TRAM2: variants seen among roughly 807,000 people sequenced by gnomAD.
TRAM2 encodes translocating chain-associated membrane protein 2.
TRAM2 carries 12 observed loss-of-function variants against 51.0 expected under a neutral mutation model. The observed-to-expected ratio is 0.24, with a 90% CI of 0.15 to 0.38. TRAM2 has a LOEUF of 0.38. Ranked by LOEUF, TRAM2 falls within the 10% of genes least tolerant of loss-of-function variation. The pLI is 1.00. For synonymous variants in TRAM2, 175 were observed against 179.4 expected (o/e 0.98, Z 0.20); for missense variants, 361 against 462.0 (o/e 0.78, Z 2.00).
At chr6:52,567,828 T>A (rs1422708814) in intron 1 of TRAM2, among the ~76,000 whole-genome samples, 2 of 152,250 alleles carry the variant, frequency 1.3e-5, no homozygotes, top group Non-Finnish European at 2.9e-5. Flanking sequence ...TGTGCTAGAA[T>A]CTGGTTTCAA....
intron 2 of TRAM2, among the ~76,000 whole-genome samples, chr6:52,518,020 A>G (rs2114071660): frequency 6.6e-6 from 1 of 152,298 alleles, no homozygotes; most frequent in South Asian, 2.1e-4. Context: ...CACTGGGCTA[A>G]CTGTTGAAAC....
intron 1 of TRAM2, among the ~76,000 whole-genome samples, chr6:52,569,807 C>A (rs1767648750): frequency 6.6e-6 from 1 of 152,094 alleles, no homozygotes; most frequent in African/African-American, 2.4e-5. Context: ...CCAGAACAGG[C>A]ACTTAAGCAC....
chr6:52,508,139 G>T, intron 6 of TRAM2, 95 bp downstream of exon 6: 2 of 1,137,170 alleles, frequency 1.8e-6, no homozygotes, highest in Non-Finnish European at 2.6e-6. Context: ...AACACTCCAT[G>T]CTTCTGGAGA....
intron 2 of TRAM2, 75 bp downstream of exon 2, chr6:52,535,708 G>T: frequency 2.2e-6 from 3 of 1,377,084 alleles, no homozygotes; most frequent in Non-Finnish European, 3.0e-6. Context: ...ATTGTACACA[G>T]ATGGGGAAAA....
chr6:52,553,993 C>T (rs1220115579), intron 1 of TRAM2, among the ~76,000 whole-genome samples: 1 of 152,140 alleles, frequency 6.6e-6, no homozygotes, highest in Non-Finnish European at 1.5e-5. Flanking sequence ...AGCAACAGCT[C>T]CATCTTCCAT....
In TRAM2 at chr6:52,524,583, T is replaced by C. The variant is rs2114077511; in HGVS notation, c.185-7846A>G. ...TCTATCTTGGTCTAGGTTCAATCGG[T>C]ACAAAAAACCTTGACCTAGGTTAGA... is the stretch of plus-strand genomic sequence containing the variant. On this transcript the variant is annotated intron_variant, in intron 2 of 10. Coordinates refer to ENST00000182527, the MANE Select transcript of TRAM2 (RefSeq NM_012288.4). 2.6e-5 allele frequency: 4 copies of C among 152,302 alleles called. 1 individual carries two copies. Among genetic ancestry groups the C allele is most frequent in the Admixed American group, 2.6e-4 (4 of 15,302 alleles). 9.4% of individuals were successfully genotyped at this position (152,302 alleles called of 1,614,324 possible). A position where few individuals can be genotyped will look rare whatever the true frequency, so the allele number is the denominator to read the frequency against.
chr6:52,527,579 G>GCAGTT (rs1194308373), intron 2 of TRAM2, among the ~76,000 whole-genome samples: 3 of 152,120 alleles, frequency 2.0e-5, no homozygotes, highest in Non-Finnish European at 2.9e-5. Flanking sequence ...GCTCAGTGCA[G>GCAGTT]CAGTTCAAAG....
intron 2 of TRAM2, among the ~76,000 whole-genome samples, chr6:52,520,188 A>G (rs1207964581): frequency 6.6e-6 from 1 of 152,244 alleles, no homozygotes; most frequent in African/African-American, 2.4e-5. Context: ...CAGCTGTGTC[A>G]ATGCTCTGAA....
intron 1 of TRAM2, among the ~76,000 whole-genome samples, chr6:52,546,722 G>A (rs1019931356): frequency 2.6e-5 from 4 of 152,066 alleles, no homozygotes; most frequent in African/African-American, 9.7e-5. Flanking sequence ...GGAGAAGGGC[G>A]CTGAGAAGGC....
In TRAM2 at chr6:52,506,176, T is replaced by C. The variant is rs186991028; in HGVS notation, c.627-40A>G. 761 of 1,574,002 alleles carry C rather than the reference T, an allele frequency of 4.8e-4. 4 individuals carry two copies. In the Middle Eastern group the frequency reaches 8.7e-3, roughly 18 times the overall value. ...GACTAGACTTACATTCCCTCCAAGA[T>C]GCTGCGTGGAGCAGAAGCCATTGCA... On this transcript the variant is annotated intron_variant, in intron 7 of 10. Coordinates refer to ENST00000182527, the MANE Select transcript of TRAM2 (RefSeq NM_012288.4).
intron 1 of TRAM2, among the ~76,000 whole-genome samples, chr6:52,537,555 A>G (rs982043940): frequency 1.3e-5 from 2 of 152,120 alleles, no homozygotes; most frequent in Non-Finnish European, 2.9e-5. Context: ...ACCTCTGTGA[A>G]GCCATTCCCA....
At chr6:52,511,882 C>T (rs1766457503) in intron 4 of TRAM2, among the ~76,000 whole-genome samples, 1 of 152,134 alleles carries the variant, frequency 6.6e-6, no homozygotes, top group South Asian at 2.1e-4. Flanking sequence ...AATCTCTTCT[C>T]ACTACCACTC....
chr6:52,518,001 T>C (rs1455589298), intron 2 of TRAM2, among the ~76,000 whole-genome samples: 1 of 152,182 alleles, frequency 6.6e-6, no homozygotes, highest in Non-Finnish European at 1.5e-5. Context: ...AGACCTATTC[T>C]GTGAGAGGCA....
chr6:52,558,742 T>C (rs1767451508), intron 1 of TRAM2, among the ~76,000 whole-genome samples: 1 of 152,178 alleles, frequency 6.6e-6, no homozygotes, highest in Non-Finnish European at 1.5e-5. Context: ...TGGTGAATCA[T>C]GATTTGCTGC....
intron 4 of TRAM2, among the ~76,000 whole-genome samples, chr6:52,510,118 TG>T (rs1224195564): frequency 4.6e-5 from 7 of 152,148 alleles, no homozygotes; most frequent in African/African-American, 1.7e-4. Context: ...ATAAAAAACA[TG>T]GCAGGACCCC....
intron 4 of TRAM2, among the ~76,000 whole-genome samples, chr6:52,515,319 A>G (rs1766527960): frequency 6.6e-6 from 1 of 152,220 alleles, no homozygotes; most frequent in Non-Finnish European, 1.5e-5. Flanking sequence ...AGGAAACTCC[A>G]AAGGACCATC....
intron 1 of TRAM2, among the ~76,000 whole-genome samples, chr6:52,574,126 T>C (rs1767725151): frequency 6.6e-6 from 1 of 152,112 alleles, no homozygotes; most frequent in Admixed American, 6.5e-5. Flanking sequence ...TCGCACCATA[T>C]GCATCCCTAC....
chr6:52,559,012 G>A (rs1215404594), intron 1 of TRAM2, among the ~76,000 whole-genome samples: 1 of 152,178 alleles, frequency 6.6e-6, no homozygotes, highest in Admixed American at 6.5e-5. Flanking sequence ...CTTCCTTATA[G>A]GACAAGAAGA....
chr6:52,497,734 C>T lies in TRAM2; in HGVS notation c.*5463G>A, dbSNP rs1232528817. On this transcript the variant is annotated 3_prime_UTR_variant, in exon 11 of 11. Transcript: ENST00000182527. ...CAGGGCACCAGCAGCCTTAGTTCATCCTTCAGATGTTTTTTTAAACAGAGG... is the reference window on the plus strand; with the variant it reads ...CAGGGCACCAGCAGCCTTAGTTCATTCTTCAGATGTTTTTTTAAACAGAGG... 1 of 152,566 alleles carries T rather than the reference C, an allele frequency of 6.6e-6. No homozygotes were observed. Among genetic ancestry groups the T allele is most frequent in the Non-Finnish European group, 1.5e-5 (1 of 68,042 alleles). 9.5% of individuals were successfully genotyped at this position (152,566 alleles called of 1,614,324 possible).
Sources: allele counts gnomAD v4.1 joint callset (sites outside exome capture counted in the v4.1 genomes callset), GRCh38; gene constraint gnomAD v4.1.1; transcripts MANE v1.5; gene names NCBI Gene and HGNC (gene_info 2026-07-23, HGNC 2026-07-21).